The following TET1 variants were observed in gnomAD, a reference collection of about 807,000 sequenced individuals.
TET1 encodes methylcytosine dioxygenase TET1.
A neutral mutation model predicts 148.7 loss-of-function variants in TET1; 13 were observed. The observed-to-expected ratio is 0.09, with a 90% CI of 0.06 to 0.14. TET1 has a LOEUF of 0.14. Ranked by LOEUF, TET1 falls within the 10% of genes least tolerant of loss-of-function variation. TET1 has a pLI of 1.00. For missense variants in TET1, 2,182 were observed against 2,553.8 expected (o/e 0.85, Z 3.14); for synonymous variants, 907 against 937.2 (o/e 0.97, Z 0.59).
chr10:68,625,378 G>A (rs1490860919), intron 3 of TET1, among the ~76,000 whole-genome samples: 1 of 152,136 alleles, frequency 6.6e-6, no homozygotes, highest in Admixed American at 6.6e-5. Context: ...GCCTGCCAAG[G>A]CTTCATCACA....
chr10:68,675,126 T>C, intron 8 of TET1: 1 of 427,186 alleles, frequency 2.3e-6, no homozygotes, highest in Non-Finnish European at 4.1e-6. Flanking sequence ...CTTATAGTAG[T>C]GGCAAATAAA....
intron 2 of TET1, among the ~76,000 whole-genome samples, chr10:68,593,253 AAAAGAG>A (rs2053939662): frequency 6.6e-6 from 1 of 150,910 alleles, no homozygotes; most frequent in African/African-American, 2.4e-5. Flanking sequence ...AAAAAAAAAA[AAAAGAG>A]GTGATCAACA....
At chr10:68,614,296 C>T (rs2054258746) in intron 3 of TET1, among the ~76,000 whole-genome samples, 2 of 152,166 alleles carry the variant, frequency 1.3e-5, no homozygotes, top group African/African-American at 4.8e-5. Context: ...CAGCTAATTT[C>T]TGCTCAATAG....
At chr10:68,674,477 A>G in intron 8 of TET1, 1 of 406,050 alleles carries the variant, frequency 2.5e-6, no homozygotes, top group South Asian at 2.4e-5. Context: ...GAACCCAAGG[A>G]ACCATAATTG....
intron 3 of TET1, among the ~76,000 whole-genome samples, chr10:68,628,397 A>G (rs1445072290): frequency 2.0e-5 from 3 of 152,252 alleles, no homozygotes; most frequent in Admixed American, 1.3e-4. Context: ...AGTTTTCTAC[A>G]TGATTATGCC....
chr10:68,592,718 A>G (rs974151367), intron 2 of TET1, among the ~76,000 whole-genome samples: 2 of 152,010 alleles, frequency 1.3e-5, no homozygotes, highest in South Asian at 2.1e-4. Context: ...CTCCCTCTAT[A>G]TCTTGCCAAC....
rs536253459 is a variant in TET1 at position 68,614,878 on chromosome 10, G to A, written c.1968+13844G>A. Among the ~76,000 whole-genome samples, 169 of 151,828 alleles carry A rather than the reference G, an allele frequency of 1.1e-3. 1 individual carries two copies. Among genetic ancestry groups the A allele is most frequent in the African/African-American group, 3.8e-3 (159 of 41,378 alleles). On this transcript the variant is annotated intron_variant, in intron 3 of 11. Transcript: ENST00000373644. ...TAAACTCCTGGGCTTACAGGCGTGA[G>A]CCATCACACCCAGCCATTCTCACTT...
At chr10:68,590,663 C>A (rs2053908472) in intron 2 of TET1, among the ~76,000 whole-genome samples, 1 of 151,720 alleles carries the variant, frequency 6.6e-6, no homozygotes, top group Non-Finnish European at 1.5e-5. Context: ...CCTGTCTCTA[C>A]AAAACATAAA....
At chr10:68,651,048 A>G (rs2054924828) in intron 4 of TET1, among the ~76,000 whole-genome samples, 1 of 152,124 alleles carries the variant, frequency 6.6e-6, no homozygotes, top group Non-Finnish European at 1.5e-5. Flanking sequence ...ATTGTATACC[A>G]CTATATAAAC....
chr10:68,617,695 C>T (rs994332730), intron 3 of TET1, among the ~76,000 whole-genome samples: 4 of 151,780 alleles, frequency 2.6e-5, no homozygotes, highest in African/African-American at 9.7e-5. Context: ...TATAGGCATG[C>T]GCCACCACGT....
At chr10:68,661,196 A>ATTTTGTTTTTT (rs2055106450) in intron 6 of TET1, among the ~76,000 whole-genome samples, 1 of 78,630 alleles carries the variant, frequency 1.3e-5, no homozygotes, top group Non-Finnish European at 2.3e-5. Context: ...CGCCTGGCTA[A>ATTTTGTTTTTT]TTTTTTTTTT....
Position 68,644,556 on chromosome 10 carries a change from C to T in TET1, c.1969-142C>T, listed in dbSNP as rs556265547. On this transcript the variant is annotated intron_variant, in intron 3 of 11. Coordinates refer to ENST00000373644, the MANE Select transcript of TET1 (RefSeq NM_030625.3). ...ATGTCCTTTTGGTATTTTATGACTT[C>T]GCTGAATGTGTGAAAAGCAAAAATA... 7.4e-4 allele frequency: 565 copies of T among 765,548 alleles called. 1 individual carries two copies. Among genetic ancestry groups the T allele is most frequent in the South Asian group, 8.4e-4 (27 of 32,292 alleles). The allele number at this position is 765,548 out of a possible 1,614,324, so 47.4% of individuals were successfully genotyped here.
chr10:68,624,686 CTCTCTCTCTCTT>C (rs1449423950), intron 3 of TET1, among the ~76,000 whole-genome samples: 125 of 122,056 alleles, frequency 1.0e-3, no homozygotes, highest in African/African-American at 3.6e-3. Flanking sequence ...CTCTCTCTCT[CTCTCTCTCTCTT>C]TCTTTCTTTT....
At chr10:68,575,186 C>T (rs1374423864) in intron 2 of TET1, among the ~76,000 whole-genome samples, 4 of 152,148 alleles carry the variant, frequency 2.6e-5, no homozygotes, top group African/African-American at 7.2e-5. Context: ...GAGTTTGGGA[C>T]GAGCCTGGCT....
At chr10:68,596,529 T>C (rs1247744362) in intron 2 of TET1, among the ~76,000 whole-genome samples, 1 of 152,138 alleles carries the variant, frequency 6.6e-6, no homozygotes, top group Admixed American at 6.6e-5. Context: ...GCTTAAGTGA[T>C]CCTTCAACCT....
At chr10:68,606,123 T>C (rs1357252906) in intron 3 of TET1, among the ~76,000 whole-genome samples, 1 of 152,176 alleles carries the variant, frequency 6.6e-6, no homozygotes, top group Non-Finnish European at 1.5e-5. Context: ...TCCCAGCACT[T>C]TGAGAGGCCA....
At chr10:68,641,052 A>C (rs1308887236) in intron 3 of TET1, among the ~76,000 whole-genome samples, 1 of 150,768 alleles carries the variant, frequency 6.6e-6, no homozygotes, top group African/African-American at 2.4e-5. Context: ...GCTGCTTACT[A>C]GATACAACAG....
intron 6 of TET1, among the ~76,000 whole-genome samples, chr10:68,665,958 A>T (rs2055190235): frequency 6.6e-6 from 1 of 152,292 alleles, no homozygotes; most frequent in African/African-American, 2.4e-5. Flanking sequence ...ACAAAAAATT[A>T]TGCTATTGGT....
intron 9 of TET1, among the ~76,000 whole-genome samples, chr10:68,682,162 G>A (rs780156261): frequency 3.5e-4 from 47 of 135,662 alleles, no homozygotes; most frequent in Non-Finnish European, 5.1e-4. Context: ...GTGCTGTGGC[G>A]CAATCTCAGC....
Sources: allele counts gnomAD v4.1 joint callset (sites outside exome capture counted in the v4.1 genomes callset), GRCh38; gene constraint gnomAD v4.1.1; transcripts MANE v1.5; gene names NCBI Gene and HGNC (gene_info 2026-07-23, HGNC 2026-07-21).